Variants in TENM3 observed in about 807,000 individuals in gnomAD.
The protein encoded by TENM3 is teneurin-3.
Under a neutral mutation model 255.1 loss-of-function variants are expected in TENM3, and 63 were observed. The observed-to-expected ratio is 0.25, with a 90% CI of 0.20 to 0.30. The LOEUF (loss-of-function observed/expected upper bound fraction) is 0.30, where lower values mean the gene tolerates loss of function less well. TENM3 is among the 10% of genes least tolerant of loss of function. The pLI, the probability that TENM3 is intolerant of heterozygous loss-of-function variation, is 1.00. For synonymous variants in TENM3, 1,306 were observed against 1,322.3 expected, an observed-to-expected ratio of 0.99 and a Z score of 0.27; for missense variants, 2,929 against 3,461.1, an observed-to-expected ratio of 0.85 and a Z score of 3.86.
chr4:181,652,278 G>A, the TENM3 span, among the ~76,000 whole-genome samples: 12 of 151,930 alleles, frequency 7.9e-5, no homozygotes, highest in South Asian at 2.1e-4. Context: ...TGGACCAATC[G>A]CAATGTTGCA....
Position 182,681,852 on chromosome 4 carries a change from T to G in TENM3, c.1873T>G (p.Cys625Gly). 1 of 1,613,866 alleles carries G rather than the reference T, an allele frequency of 6.2e-7. No homozygotes were observed. Among genetic ancestry groups the G allele is most frequent in the African/African-American group, 1.3e-5 (1 of 75,052 alleles). The change falls in exon 11 of 28, where the codon TGT becomes GGT. Residue 625 changes from cysteine (C) to glycine (G), a missense_variant. Around this residue, in one of 6 missense-constraint regions of TENM3, gnomAD observed 1,608 missense variants for 1,884.4 expected, o/e 0.85. Transcript: ENST00000511685. ...CCCTGGGTGTTCTAATCATGGTGTG[T>G]GTATCCACGGGGAATGTCACTGCAG... Reference protein sequence around the residue: ...IDPGCSNHGVCIHGECHCSPG... With the variant: ...IDPGCSNHGVGIHGECHCSPG...
chr4:181,658,512 C>T, the TENM3 span, among the ~76,000 whole-genome samples: 22 of 152,156 alleles, frequency 1.4e-4, no homozygotes, highest in South Asian at 6.2e-4. Flanking sequence ...ATTCATGCCC[C>T]CACTCCCACC....
the TENM3 span, among the ~76,000 whole-genome samples, chr4:181,540,345 C>T: frequency 0.12 from 18,998 of 152,102 alleles, 1,530 homozygotes; most frequent in Middle Eastern, 0.24. Context: ...GGGGGAGAAA[C>T]GACAAACCCC....
intron 1 of TENM3, among the ~76,000 whole-genome samples, chr4:182,195,064 C>T (rs1753758136): frequency 8.1e-6 from 1 of 123,284 alleles, no homozygotes; most frequent in South Asian, 2.9e-4. Flanking sequence ...CACACACACA[C>T]ACACTTATAT....
chr4:182,447,265 AG>A (rs145031103), intron 3 of TENM3, among the ~76,000 whole-genome samples: 13,191 of 150,972 alleles, frequency 0.087, 688 homozygotes, highest in African/African-American at 0.12. Context: ...ACCCAGAGTT[AG>A]TGATAGAAAA....
intron 1 of TENM3, among the ~76,000 whole-genome samples, chr4:182,289,448 T>C (rs113589288): frequency 0.028 from 4,262 of 152,320 alleles, 203 homozygotes; most frequent in African/African-American, 0.096. Flanking sequence ...AGGAGGCCAC[T>C]GGCACTCTGC....
chr4:182,174,467 G>A (rs1265389144), intron 1 of TENM3, among the ~76,000 whole-genome samples: 8 of 126,590 alleles, frequency 6.3e-5, no homozygotes, highest in African/African-American at 2.4e-4. Context: ...CTCTTCTTCT[G>A]ATTTCATCTA....
chr4:182,230,127 T>TAA (rs34376758), intron 1 of TENM3, among the ~76,000 whole-genome samples: 6 of 134,290 alleles, frequency 4.5e-5, no homozygotes, highest in East Asian at 2.7e-4. Flanking sequence ...TTGATGCTAC[T>TAA]AAAAAAAAAA....
chr4:181,949,814 C>T, the TENM3 span, among the ~76,000 whole-genome samples: 6 of 152,080 alleles, frequency 3.9e-5, no homozygotes, highest in Non-Finnish European at 7.4e-5. Context: ...CTCTCAAGCC[C>T]CCTGCCTCCC....
intron 7 of TENM3, among the ~76,000 whole-genome samples, chr4:182,678,108 G>A (rs142881511): frequency 2.0e-4 from 30 of 152,124 alleles, no homozygotes; most frequent in African/African-American, 6.7e-4. Context: ...AATGAAACTA[G>A]GTAACATTCT....
chr4:181,824,477 T>A, the TENM3 span, among the ~76,000 whole-genome samples: 1 of 152,132 alleles, frequency 6.6e-6, no homozygotes, highest in Non-Finnish European at 1.5e-5. Context: ...AGCAAACATT[T>A]TTTGGTAGTG....
chr4:182,012,345 A>G, the TENM3 span, among the ~76,000 whole-genome samples: 4 of 152,228 alleles, frequency 2.6e-5, no homozygotes, highest in African/African-American at 7.2e-5. Flanking sequence ...AATTCCAGGC[A>G]GTACTTAATA....
At chr4:181,479,655 T>C in the TENM3 span, among the ~76,000 whole-genome samples, 4 of 152,114 alleles carry the variant, frequency 2.6e-5, no homozygotes, top group Admixed American at 2.6e-4. Flanking sequence ...TTAATAGGAC[T>C]CATTTTAACA....
the TENM3 span, among the ~76,000 whole-genome samples, chr4:181,845,093 T>C: frequency 6.6e-6 from 1 of 152,244 alleles, no homozygotes; most frequent in African/African-American, 2.4e-5. Context: ...TGTTTCTAAA[T>C]TTGTATAATT....
chr4:181,787,019 T>C, the TENM3 span, among the ~76,000 whole-genome samples: 1 of 152,230 alleles, frequency 6.6e-6, no homozygotes, highest in African/African-American at 2.4e-5. Flanking sequence ...CACTCTCTCA[T>C]GTCCCCTTTG....
the TENM3 span, among the ~76,000 whole-genome samples, chr4:181,989,284 G>A: frequency 2.0e-5 from 3 of 152,130 alleles, no homozygotes; most frequent in African/African-American, 7.2e-5. Flanking sequence ...GTGTCCTGAG[G>A]CACAAAGAGG....
chr4:181,988,699 G>C, the TENM3 span, among the ~76,000 whole-genome samples: 1 of 151,976 alleles, frequency 6.6e-6, no homozygotes, highest in African/African-American at 2.4e-5. Flanking sequence ...TGAGATACAG[G>C]TATGTTAAGT....
At chr4:182,200,243 A>C (rs1182208932) in intron 1 of TENM3, among the ~76,000 whole-genome samples, 1 of 152,244 alleles carries the variant, frequency 6.6e-6, no homozygotes, top group Non-Finnish European at 1.5e-5. Context: ...CTTTTACTAG[A>C]AATAATGGTG....
At chr4:181,561,472 A>G in the TENM3 span, among the ~76,000 whole-genome samples, 1 of 152,200 alleles carries the variant, frequency 6.6e-6, no homozygotes, top group African/African-American at 2.4e-5. Flanking sequence ...GAAAAGCAAA[A>G]GCAAAGAAAG....
Sources: allele counts gnomAD v4.1 joint callset (sites outside exome capture counted in the v4.1 genomes callset), GRCh38; gene constraint gnomAD v4.1.1; regional missense constraint gnomAD v4.1.1; transcripts MANE v1.5; gene names NCBI Gene and HGNC (gene_info 2026-07-23, HGNC 2026-07-21).